The following DYNC1H1 variants were observed in gnomAD, a reference collection of about 807,000 sequenced individuals.
DYNC1H1 encodes the protein dynein cytoplasmic 1 heavy chain 1, also known as cytoplasmic dynein 1 heavy chain 1.
DYNC1H1 carries 51 observed loss-of-function variants against 527.1 expected under a neutral mutation model. The observed-to-expected ratio is 0.10, with a 90% CI of 0.08 to 0.12. The LOEUF (loss-of-function observed/expected upper bound fraction) is 0.12, where lower values mean the gene tolerates loss of function less well. Among genes scored for constraint, DYNC1H1 ranks in the 10% least tolerant of loss-of-function variants. DYNC1H1 has a pLI of 1.00. For synonymous variants in DYNC1H1, 2,189 were observed against 2,278.8 expected (o/e 0.96, Z 1.12); for missense variants, 2,771 against 5,971.8 (o/e 0.46, Z 17.66).
intron 7 of DYNC1H1, among the ~76,000 whole-genome samples, chr14:101,984,291 G>A (rs906703974): frequency 1.3e-5 from 2 of 151,286 alleles, no homozygotes; most frequent in African/African-American, 2.4e-5. Context: ...CGCCCTGCCC[G>A]TATGCATTGT....
At chr14:101,991,092 A>C (rs1343061171) in intron 10 of DYNC1H1, among the ~76,000 whole-genome samples, 1 of 151,150 alleles carries the variant, frequency 6.6e-6, no homozygotes, top group Non-Finnish European at 1.5e-5. Context: ...CTGAGGCGGG[A>C]GGATTGCCTG....
In DYNC1H1 at chr14:102,042,505, A is replaced by AAGGTGGGTGGTTG. The variant is rs1169804622; in HGVS notation, c.12399_12399+12dup. 1 of 1,614,070 alleles carries AAGGTGGGTGGTTG rather than the reference A, an allele frequency of 6.2e-7. No homozygotes were observed. Among genetic ancestry groups the AAGGTGGGTGGTTG allele is most frequent in the East Asian group, 2.2e-5 (1 of 44,852 alleles). ...CTTCCTCACCATGGAGATCAACCCC[A>AAGGTGGGTGGTTG]AGGTGGGTGGTTGAAGGAGTGGAGA... On this transcript the variant is annotated stop_gained and frameshift_variant and splice_region_variant, in exon 68 of 78. Transcript: ENST00000360184. LOFTEE classifies it high-confidence loss of function. This position sits in a 1 kb window ranked among gnomAD's most constrained non-coding sequence, Gnocchi z 5.7.
intron 34 of DYNC1H1, among the ~76,000 whole-genome samples, chr14:102,013,923 A>G (rs1397585134): frequency 6.6e-6 from 1 of 152,160 alleles, no homozygotes; most frequent in Non-Finnish European, 1.5e-5. Context: ...GTGTGAGGGA[A>G]AGGAATCAAG....
chr14:101,964,990 C>G lies in DYNC1H1; in HGVS notation c.256+43C>G, dbSNP rs985825529. On this transcript the variant is annotated intron_variant, in intron 1 of 77. Coordinates refer to ENST00000360184, the MANE Select transcript of DYNC1H1 (RefSeq NM_001376.5). This position sits in a 1 kb window ranked among gnomAD's most constrained non-coding sequence, Gnocchi z 5.5. ...GCAGGGTCGCCAGAGCCAGGCCTCGCGGAATGCAGGGCCTGCCAGGTCCTC... is the reference window on the plus strand; with the variant it reads ...GCAGGGTCGCCAGAGCCAGGCCTCGGGGAATGCAGGGCCTGCCAGGTCCTC... The G allele has an allele frequency of 6.4e-7, 1 of 1,559,816 alleles. No individual in the cohort carries two copies. The highest frequency in any genetic ancestry group is 8.7e-7 in the Non-Finnish European group (1 of 1,153,216).
intron 56 of DYNC1H1, chr14:102,034,786 C>A: frequency 2.5e-6 from 1 of 394,394 alleles, no homozygotes; most frequent in South Asian, 2.2e-5. Context: ...ATTAGCCAGG[C>A]GTGGTGGCAT....
chr14:102,018,616 G>A lies in DYNC1H1; in HGVS notation c.8343G>A (p.Gln2781=), dbSNP rs760969139. The change falls in exon 41 of 78, where the codon CAG becomes CAA. Residue 2781 remains glutamine (Q), a splice_region_variant and synonymous_variant. Coordinates refer to ENST00000360184, the MANE Select transcript of DYNC1H1 (RefSeq NM_001376.5). The surrounding 1 kb of genome is among the most constrained non-coding windows in gnomAD (Gnocchi z 5.2). The part of the protein sequence containing the change: ...AAMVEFYTMS[Q]ERFTQDTQPH... Reference sequence around the variant, plus strand: ...TGGTGGAGTTCTACACCATGTCTCAGGTACGCAGAGTTTCTTTGCTCTTCC... The same window carrying A: ...TGGTGGAGTTCTACACCATGTCTCAAGTACGCAGAGTTTCTTTGCTCTTCC... 2.5e-6 allele frequency: 4 copies of A among 1,613,560 alleles called. No individual in the cohort carries two copies. The Admixed American group carries it at 5.0e-5, about 20-fold the overall frequency.
chr14:101,997,965 T>A lies in DYNC1H1; in HGVS notation c.3804+691T>A, dbSNP rs1279785448. ...CTGGCTCAGTGGCTACTGCTGTGCCTGGGAGGGTGGTGTGGAAGGGGGCTG... is the reference window on the plus strand; with the variant it reads ...CTGGCTCAGTGGCTACTGCTGTGCCAGGGAGGGTGGTGTGGAAGGGGGCTG... On this transcript the variant is annotated intron_variant, in intron 16 of 77. Coordinates refer to ENST00000360184, the MANE Select transcript of DYNC1H1 (RefSeq NM_001376.5). The surrounding 1 kb of genome is among the most constrained non-coding windows in gnomAD (Gnocchi z 4.8). Among the ~76,000 whole-genome samples, 1 of 152,192 alleles carries A rather than the reference T, an allele frequency of 6.6e-6. No homozygotes were observed. The highest frequency in any genetic ancestry group is 2.4e-5 in the African/African-American group (1 of 41,458).
chr14:102,016,360 T>A lies in DYNC1H1; in HGVS notation c.7485T>A (p.Val2495=), dbSNP rs761461596. 6.2e-7 allele frequency: 1 copy of A among 1,614,180 alleles called. No individual in the cohort carries two copies. The highest frequency in any genetic ancestry group is 1.1e-5 in the South Asian group (1 of 91,078). Residue 2495 remains valine (V), a synonymous_variant, in exon 37 of 78, where the codon GTT becomes GTA. Transcript: ENST00000360184. This position sits in a 1 kb window ranked among gnomAD's most constrained non-coding sequence, Gnocchi z 7.3. ...TCCCTTTTTAATAGCGATATCTGGT[T>A]TATGCCATACTCTGGTCCCTGTCTG... The part of the protein sequence containing the change: ...QLERYIQRYL[V]YAILWSLSGD...
At position 102,010,216 on chromosome 14, in the gene DYNC1H1, A is replaced by T; in HGVS notation, c.6222-60A>T. The T allele has an allele frequency of 6.2e-7, 1 of 1,612,822 alleles. No individual in the cohort carries two copies. The highest frequency in any genetic ancestry group is 8.5e-7 in the Non-Finnish European group (1 of 1,179,572). ...TCCATCTCTGGTTTCTTGACACTTG[A>T]CCCTATTATTGCTTAAAGTATACTG... On this transcript the variant is annotated intron_variant, in intron 30 of 77. Transcript: ENST00000360184. The surrounding 1 kb of genome is among the most constrained non-coding windows in gnomAD (Gnocchi z 6.0).
At chr14:101,998,879 C>CTTTTTTTTTTTTTTTTCTTTTTT (rs2048096040) in intron 16 of DYNC1H1, among the ~76,000 whole-genome samples, 2 of 115,220 alleles carry the variant, frequency 1.7e-5, no homozygotes, top group African/African-American at 7.5e-5. Flanking sequence ...AAAACTTTTT[C>CTTTTTTTTTTTTTTTTCTTTTTT]TTTTTTTTTT....
chr14:101,984,395 GTATATA>G (rs199505034), intron 7 of DYNC1H1, among the ~76,000 whole-genome samples: 1 of 114,386 alleles, frequency 8.7e-6, no homozygotes, highest in African/African-American at 3.9e-5. Flanking sequence ...ATATATATGC[GTATATA>G]TGTGTGTGTG....
At chr14:101,990,822 A>G (rs1468948120) in intron 10 of DYNC1H1, among the ~76,000 whole-genome samples, 1 of 152,098 alleles carries the variant, frequency 6.6e-6, no homozygotes, top group African/African-American at 2.4e-5. Flanking sequence ...CATCCTGTCC[A>G]ACATGGTGAA....
chr14:102,015,377 G>T lies in DYNC1H1; in HGVS notation c.7242+45G>T. On this transcript the variant is annotated intron_variant, in intron 35 of 77. Coordinates refer to ENST00000360184, the MANE Select transcript of DYNC1H1 (RefSeq NM_001376.5). This position sits in a 1 kb window ranked among gnomAD's most constrained non-coding sequence, Gnocchi z 6.9. ...CACATATCATGACCTGAGGGTGCTA[G>T]GATATTCAGATGTGGTCTCGCTGTG... The T allele has an allele frequency of 6.4e-7, 1 of 1,558,794 alleles. No individual in the cohort carries two copies.
intron 73 of DYNC1H1, 57 bp from the exon 74 acceptor site, chr14:102,048,457 CTT>C: frequency 6.2e-7 from 1 of 1,611,702 alleles, no homozygotes; most frequent in Non-Finnish European, 8.5e-7. Flanking sequence ...TCTGTTTGAC[CTT>C]TACACTGGAG....
intron 7 of DYNC1H1, among the ~76,000 whole-genome samples, chr14:101,984,379 G>C (rs2047903625): frequency 6.8e-6 from 1 of 147,418 alleles, no homozygotes; most frequent in Non-Finnish European, 1.5e-5. Context: ...GTGTGTGTGT[G>C]TGTATATATA....
rs762851661 is a variant in DYNC1H1 at position 102,033,338 on chromosome 14, G to A, written c.10267G>A (p.Ala3423Thr). ...TGAGCTGCAGAAGCTGGAAGATGAC[G>A]CCAAGGACAACCAGCAGAAGGCCAA... ...RNELQKLEDD[A>T]KDNQQKANEV... Residue 3423 changes from alanine to threonine, a missense_variant, in exon 54 of 78, where the codon GCC becomes ACC. Ala to Thr is a moderately conservative substitution (Grantham distance 58). Around this residue, in one of 32 missense-constraint regions of DYNC1H1, gnomAD observed 283 missense variants for 737.6 expected, o/e 0.38. Transcript: ENST00000360184. The surrounding 1 kb of genome is among the most constrained non-coding windows in gnomAD (Gnocchi z 5.6). 1.2e-6 allele frequency: 2 copies of A among 1,614,070 alleles called. No individual in the cohort carries two copies. Among genetic ancestry groups the A allele is most frequent in the Non-Finnish European group, 1.7e-6 (2 of 1,180,046 alleles).
Position 102,042,600 on chromosome 14 carries a change from C to A in DYNC1H1, c.12400-35C>A. On this transcript the variant is annotated intron_variant, in intron 68 of 77. Transcript: ENST00000360184. The surrounding 1 kb of genome is among the most constrained non-coding windows in gnomAD (Gnocchi z 5.7). ...GGAATTGAACAGGCGCCCTCATCCA[C>A]ACCCGAGCATAACTGGAACGGCGCT... 1.2e-6 allele frequency: 2 copies of A among 1,613,998 alleles called. No individual in the cohort carries two copies. The highest frequency in any genetic ancestry group is 1.7e-6 in the Non-Finnish European group (2 of 1,179,958).
At chr14:102,009,585 A>C in intron 29 of DYNC1H1, 1 of 503,062 alleles carries the variant, frequency 2.0e-6, no homozygotes, top group Non-Finnish European at 3.6e-6. Context: ...GTGTTGCCCA[A>C]ATAAAATAGT....
Position 101,986,879 on chromosome 14 carries a change from GC to G in DYNC1H1, c.2538+118del. The stretch of plus-strand genomic sequence containing the variant: ...GCATGCATGGTTGATGCAGCATACG[GC>G]CATGTGAGCTGCAAGGGAGGAGGAC... On this transcript the variant is annotated intron_variant, in intron 8 of 77. Transcript: ENST00000360184. The surrounding 1 kb of genome is among the most constrained non-coding windows in gnomAD (Gnocchi z 8.7). The G allele has an allele frequency of 8.1e-7, 1 of 1,242,146 alleles. No homozygotes were observed. Among genetic ancestry groups the G allele is most frequent in the Non-Finnish European group, 1.2e-6 (1 of 850,622 alleles). The allele number at this position is 1,242,146 out of a possible 1,614,324, so 76.9% of individuals were successfully genotyped here. A position where few individuals can be genotyped will look rare whatever the true frequency, so the allele number is the denominator to read the frequency against.
Sources: allele counts gnomAD v4.1 joint callset (sites outside exome capture counted in the v4.1 genomes callset), GRCh38; gene constraint gnomAD v4.1.1; regional missense constraint gnomAD v4.1.1; non-coding constraint Gnocchi (gnomAD v3.1); transcripts MANE v1.5; gene names NCBI Gene and HGNC (gene_info 2026-07-23, HGNC 2026-07-21).